SLC22A23: variants seen among roughly 807,000 people sequenced by gnomAD.
SLC22A23 encodes solute carrier family 22 member 23, also known as ion transporter protein.
SLC22A23 carries 26 observed loss-of-function variants against 61.0 expected under a neutral mutation model. The ratio of observed to expected loss-of-function variants is 0.43; its 90% confidence interval spans 0.31 to 0.59. SLC22A23 has a LOEUF of 0.59. Among genes scored for constraint, SLC22A23 ranks in the 20% least tolerant of loss-of-function variants. SLC22A23 has a pLI of 0.11. For missense variants in SLC22A23, 796 were observed against 934.7 expected, an observed-to-expected ratio of 0.85 and a Z score of 1.94; for synonymous variants, 430 against 413.9, an observed-to-expected ratio of 1.04 and a Z score of -0.47.
chr6:3,426,931 T>C (rs1014762004), intron 1 of SLC22A23, among the ~76,000 whole-genome samples: 12 of 152,242 alleles, frequency 7.9e-5, no homozygotes, highest in African/African-American at 1.2e-4. Flanking sequence ...TGGGTTGGAC[T>C]CTGGCTTACC....
chr6:3,408,134 G>A (rs189591061), intron 3 of SLC22A23, among the ~76,000 whole-genome samples: 3 of 152,288 alleles, frequency 2.0e-5, no homozygotes, highest in Admixed American at 1.3e-4. Context: ...CAGACCATAT[G>A]GCCTGCAAAG....
At chr6:3,279,765 C>G (rs535890923) in intron 9 of SLC22A23, among the ~76,000 whole-genome samples, 1 of 152,174 alleles carries the variant, frequency 6.6e-6, no homozygotes, top group Admixed American at 6.5e-5. Context: ...GTTTAGAAGT[C>G]AGAGCTGCTT....
intron 3 of SLC22A23, among the ~76,000 whole-genome samples, chr6:3,341,208 C>T (rs963138804): frequency 3.9e-5 from 6 of 152,168 alleles, no homozygotes; most frequent in African/African-American, 1.4e-4. Flanking sequence ...AAGAGGGTTT[C>T]TCAGAAAGCC....
chr6:3,313,019 G>A (rs932354048), intron 4 of SLC22A23: 1 of 152,132 alleles, frequency 6.6e-6, no homozygotes, highest in Admixed American at 6.5e-5. Flanking sequence ...GCTGGCCCCC[G>A]GGACAGCCAC....
intron 3 of SLC22A23, among the ~76,000 whole-genome samples, chr6:3,367,433 C>T (rs963231521): frequency 8.5e-5 from 13 of 152,322 alleles, no homozygotes; most frequent in East Asian, 1.9e-4. Flanking sequence ...CTGGCTGTGA[C>T]GGCACCTACA....
At chr6:3,323,793 G>C in intron 4 of SLC22A23, 41 bp downstream of exon 4, 1 of 1,576,198 alleles carries the variant, frequency 6.3e-7, no homozygotes, top group South Asian at 1.1e-5. Context: ...GGAAGCATGT[G>C]CAGTCGCACC....
At chr6:3,434,311 A>G (rs1394809681) in intron 1 of SLC22A23, among the ~76,000 whole-genome samples, 1 of 150,608 alleles carries the variant, frequency 6.6e-6, no homozygotes, top group African/African-American at 2.5e-5. Flanking sequence ...AAACTCTGTA[A>G]ATAAATAAAT....
chr6:3,304,508 T>C lies in SLC22A23; in HGVS notation c.1083-6290A>G, dbSNP rs1338851304. ...CCTCTTTGGGAGCCCAAGCTTTCGA[T>C]GGGTCTCCAAATTGTTTTTTTCTAA... On this transcript the variant is annotated intron_variant, in intron 4 of 9. Coordinates refer to ENST00000406686, the MANE Select transcript of SLC22A23 (RefSeq NM_015482.2). The surrounding 1 kb of genome is among the most constrained non-coding windows in gnomAD (Gnocchi z 4.3). Among the ~76,000 whole-genome samples the C allele has an allele frequency of 2.0e-5, 3 of 150,708 alleles. No individual in the cohort carries two copies. Among genetic ancestry groups the C allele is most frequent in the Non-Finnish European group, 3.0e-5 (2 of 67,036 alleles).
intron 1 of SLC22A23, among the ~76,000 whole-genome samples, chr6:3,431,435 T>C (rs1287162991): frequency 6.6e-6 from 1 of 152,186 alleles, no homozygotes; most frequent in Non-Finnish European, 1.5e-5. Flanking sequence ...GGGAGGGCTG[T>C]TAAAGGTTCA....
At chr6:3,432,150 C>A (rs186692210) in intron 1 of SLC22A23, 1 of 948,986 alleles carries the variant, frequency 1.1e-6, no homozygotes, top group Non-Finnish European at 1.3e-6. Flanking sequence ...AGTGTAGAGG[C>A]GGTAGTGCTA....
chr6:3,446,061 C>A (rs930784327), intron 1 of SLC22A23, among the ~76,000 whole-genome samples: 1 of 152,274 alleles, frequency 6.6e-6, no homozygotes, highest in Non-Finnish European at 1.5e-5. Context: ...AGGTGTTCTG[C>A]GGAAGTCCAC....
chr6:3,358,385 A>G (rs1765240042), intron 3 of SLC22A23, among the ~76,000 whole-genome samples: 1 of 152,216 alleles, frequency 6.6e-6, no homozygotes, highest in Admixed American at 6.5e-5. Context: ...ATAGAATATG[A>G]TTCCGCTTAA....
chr6:3,320,465 C>T (rs1762884809), intron 4 of SLC22A23, among the ~76,000 whole-genome samples: 1 of 152,186 alleles, frequency 6.6e-6, no homozygotes, highest in Non-Finnish European at 1.5e-5. Context: ...AGAGATACAG[C>T]ACTCCAAAGC....
chr6:3,378,936 G>C (rs1231729091), intron 3 of SLC22A23, among the ~76,000 whole-genome samples: 1 of 152,238 alleles, frequency 6.6e-6, no homozygotes, highest in East Asian at 1.9e-4. Context: ...TGGGATTACA[G>C]GCTTGAGCCA....
At chr6:3,423,083 C>T (rs909827319) in intron 1 of SLC22A23, among the ~76,000 whole-genome samples, 1 of 151,822 alleles carries the variant, frequency 6.6e-6, no homozygotes, top group African/African-American at 2.4e-5. Context: ...ACTGTCCGCT[C>T]CTCTTCTGCG....
chr6:3,367,891 C>G (rs1765939671), intron 3 of SLC22A23, among the ~76,000 whole-genome samples: 1 of 152,206 alleles, frequency 6.6e-6, no homozygotes, highest in Non-Finnish European at 1.5e-5. Flanking sequence ...GGACTCTGTG[C>G]TTTTCTCACT....
At chr6:3,399,603 A>G (rs1161067250) in intron 3 of SLC22A23, among the ~76,000 whole-genome samples, 1 of 152,236 alleles carries the variant, frequency 6.6e-6, no homozygotes, top group Non-Finnish European at 1.5e-5. Context: ...AATATTTAAC[A>G]ATATGAACAA....
At chr6:3,404,138 G>C (rs986846456) in intron 3 of SLC22A23, among the ~76,000 whole-genome samples, 3 of 152,226 alleles carry the variant, frequency 2.0e-5, no homozygotes, top group Non-Finnish European at 2.9e-5. Flanking sequence ...GTGTGGAAAA[G>C]CATCCAAATA....
chr6:3,291,185 C>T (rs895737281), intron 5 of SLC22A23: 3 of 152,142 alleles, frequency 2.0e-5, no homozygotes, highest in African/African-American at 7.2e-5. Context: ...CTAGAGGGAT[C>T]CTTCTGCTCC....
Sources: allele counts gnomAD v4.1 joint callset (sites outside exome capture counted in the v4.1 genomes callset), GRCh38; gene constraint gnomAD v4.1.1; non-coding constraint Gnocchi (gnomAD v3.1); transcripts MANE v1.5; gene names NCBI Gene and HGNC (gene_info 2026-07-23, HGNC 2026-07-21).